The following CREB5 variants were observed in gnomAD, a reference collection of about 807,000 sequenced individuals.
The protein encoded by CREB5 is cAMP responsive element binding protein 5.
CREB5 carries 19 observed loss-of-function variants against 57.1 expected under a neutral mutation model. The ratio of observed to expected loss-of-function variants is 0.33; its 90% confidence interval spans 0.23 to 0.49. The LOEUF (loss-of-function observed/expected upper bound fraction) is 0.49, where lower values mean the gene tolerates loss of function less well. Among genes scored for constraint, CREB5 ranks in the 20% least tolerant of loss-of-function variants. The probability of loss-of-function intolerance (pLI) is 0.99; values close to 1 mark genes in which losing one functional copy is unlikely to be tolerated. For missense variants in CREB5, 579 were observed against 671.6 expected, an observed-to-expected ratio of 0.86 and a Z score of 1.52; for synonymous variants, 238 against 238.3, an observed-to-expected ratio of 1.00 and a Z score of 0.01.
At position 28,560,805 on chromosome 7, in the gene CREB5, T is replaced by TGCGTGTGTGTGCGTGCGCGC. The variant is rs1299212365; in HGVS notation, c.292-9557_292-9556insTGTGTGTGCGTGCGCGCGCG. Among the ~76,000 whole-genome samples, 202 of 54,798 alleles carry TGCGTGTGTGTGCGTGCGCGC rather than the reference T, an allele frequency of 3.7e-3. 2 individuals are homozygous for TGCGTGTGTGTGCGTGCGCGC. The highest frequency in any genetic ancestry group is 8.9e-3 in the African/African-American group (157 of 17,556). 35.9% of individuals were successfully genotyped at this position (54,798 alleles called of 152,430 possible). ...TCTTTCTCTGCTTCCACAGTGTGTG[T>TGCGTGTGTGTGCGTGCGCGC]GCGCGTGTGTGTGTGTGCGCGCGCG... On this transcript the variant is annotated intron_variant, in intron 4 of 10. Coordinates refer to ENST00000357727, the MANE Select transcript of CREB5 (RefSeq NM_182898.4).
chr7:28,721,200 G>C (rs1803014694), intron 6 of CREB5, among the ~76,000 whole-genome samples: 1 of 152,202 alleles, frequency 6.6e-6, no homozygotes, highest in Non-Finnish European at 1.5e-5. Flanking sequence ...ACCAGGGTCG[G>C]TGGGAAGGTA....
At chr7:28,577,074 G>A (rs1795936044) in intron 5 of CREB5, among the ~76,000 whole-genome samples, 1 of 152,180 alleles carries the variant, frequency 6.6e-6, no homozygotes, top group African/African-American at 2.4e-5. Context: ...GCATTGTCAT[G>A]GGTTCAGAGT....
At chr7:28,451,579 G>A (rs1343465708) in intron 1 of CREB5, among the ~76,000 whole-genome samples, 3 of 151,896 alleles carry the variant, frequency 2.0e-5, no homozygotes, top group Admixed American at 6.6e-5. Flanking sequence ...TACAAATAGC[G>A]TGTTTTGAAT....
At chr7:28,342,654 C>T (rs186002993) in intron 1 of CREB5, among the ~76,000 whole-genome samples, 14 of 152,296 alleles carry the variant, frequency 9.2e-5, no homozygotes, top group African/African-American at 3.4e-4. Context: ...AATATCACTC[C>T]ATCTCTATTT....
intron 1 of CREB5, among the ~76,000 whole-genome samples, chr7:28,461,413 A>G (rs1043336804): frequency 2.9e-5 from 4 of 137,262 alleles, no homozygotes; most frequent in Middle Eastern, 3.5e-3. Context: ...TTTGATGGGT[A>G]TCTTTTTTAG....
rs1035626757 is a variant in CREB5, at chr7:28,819,775, C to CT, written c.*505dup. On this transcript the variant is annotated 3_prime_UTR_variant, in exon 11 of 11. Coordinates refer to ENST00000357727, the MANE Select transcript of CREB5 (RefSeq NM_182898.4). ...GATAAACACACAGCCTTTCCCATAC[C>CT]TTTTTTTTTCTTACTATAAAATATT... 2 of 151,686 alleles carry CT rather than the reference C, an allele frequency of 1.3e-5. No individual in the cohort carries two copies. The highest frequency in any genetic ancestry group is 2.9e-5 in the Non-Finnish European group (2 of 67,948). 9.4% of individuals were successfully genotyped at this position (151,686 alleles called of 1,614,324 possible).
chr7:28,456,244 T>TC (rs1790088917), intron 1 of CREB5, among the ~76,000 whole-genome samples: 2 of 42,142 alleles, frequency 4.7e-5, no homozygotes, highest in South Asian at 2.0e-3. Flanking sequence ...GGATTGATTT[T>TC]TCCCCCAAAG....
intron 1 of CREB5, among the ~76,000 whole-genome samples, chr7:28,348,778 G>T (rs1199242704): frequency 2.6e-5 from 4 of 152,166 alleles, no homozygotes; most frequent in African/African-American, 4.8e-5. Context: ...GAACAAAGTG[G>T]TGCCAAGAGC....
intron 5 of CREB5, chr7:28,615,991 C>T (rs1797583156): frequency 6.6e-6 from 1 of 152,238 alleles, no homozygotes; most frequent in Non-Finnish European, 1.5e-5. Flanking sequence ...TCTTAAATCA[C>T]AGATCTGAGT....
At chr7:28,560,548 C>T (rs1795042537) in intron 4 of CREB5, among the ~76,000 whole-genome samples, 1 of 152,010 alleles carries the variant, frequency 6.6e-6, no homozygotes, top group African/African-American at 2.4e-5. Context: ...AACCAGGCTC[C>T]TATATCAGTA....
intron 5 of CREB5, among the ~76,000 whole-genome samples, chr7:28,599,952 C>G (rs1796850583): frequency 6.6e-6 from 1 of 152,030 alleles, no homozygotes; most frequent in Non-Finnish European, 1.5e-5. Flanking sequence ...TTATAAAGAC[C>G]ACAGGGGATC....
chr7:28,382,112 GC>G (rs1242341221), intron 1 of CREB5, among the ~76,000 whole-genome samples: 1 of 152,210 alleles, frequency 6.6e-6, no homozygotes, highest in Non-Finnish European at 1.5e-5. Context: ...GAGTCCAAAG[GC>G]CAGGGATCCT....
At chr7:28,332,589 C>T (rs1349588792) in intron 1 of CREB5, among the ~76,000 whole-genome samples, 1 of 152,198 alleles carries the variant, frequency 6.6e-6, no homozygotes, top group African/African-American at 2.4e-5. Flanking sequence ...CGTCTCCTCA[C>T]ACCCCCAGCA....
intron 7 of CREB5, among the ~76,000 whole-genome samples, chr7:28,726,476 A>G (rs903018067): frequency 1.3e-5 from 2 of 152,198 alleles, no homozygotes; most frequent in African/African-American, 4.8e-5. Flanking sequence ...ATTTTCTAGC[A>G]GCTTTGGGCT....
chr7:28,432,128 T>C (rs906890135), intron 1 of CREB5, among the ~76,000 whole-genome samples: 1 of 152,124 alleles, frequency 6.6e-6, no homozygotes, highest in Non-Finnish European at 1.5e-5. Flanking sequence ...TGAAACTTTG[T>C]AATAGGATGT....
intron 5 of CREB5, among the ~76,000 whole-genome samples, chr7:28,584,119 G>A (rs868263258): frequency 4.6e-5 from 7 of 152,184 alleles, no homozygotes; most frequent in South Asian, 2.1e-4. Flanking sequence ...AATACCTCAC[G>A]GAACGCAATG....
chr7:28,652,762 G>T (rs1259836407), intron 5 of CREB5, among the ~76,000 whole-genome samples: 2 of 152,296 alleles, frequency 1.3e-5, no homozygotes, highest in South Asian at 2.1e-4. Flanking sequence ...CTTAGGCTTT[G>T]GTGCCTGTTG....
chr7:28,390,531 A>G (rs1156413168), intron 1 of CREB5, among the ~76,000 whole-genome samples: 1 of 152,178 alleles, frequency 6.6e-6, no homozygotes, highest in Non-Finnish European at 1.5e-5. Flanking sequence ...AAACTCTTCT[A>G]GATACTGACA....
In CREB5 at chr7:28,502,050, C is replaced by T. The variant is rs138436232; in HGVS notation, c.170-5566C>T. ...CTGGCCAGGATGGTTTTTAAGCATTCCATGTCTGTTGCTTAAAAACCAGGT... is the reference window on the plus strand; with the variant it reads ...CTGGCCAGGATGGTTTTTAAGCATTTCATGTCTGTTGCTTAAAAACCAGGT... On this transcript the variant is annotated intron_variant, in intron 3 of 10. Transcript: ENST00000357727. Among the ~76,000 whole-genome samples the T allele has an allele frequency of 7.1e-3, 1,081 of 152,210 alleles. 16 individuals carry two copies. The highest frequency in any genetic ancestry group is 0.024 in the African/African-American group (999 of 41,522).
Sources: gnomAD v4.1 joint callset for allele counts (sites outside exome capture counted in the v4.1 genomes callset) on GRCh38, gnomAD v4.1.1 for gene constraint, MANE v1.5 for transcripts, NCBI Gene and HGNC (gene_info 2026-07-23, HGNC 2026-07-21) for gene names.